GALNTL6: variants seen among roughly 807,000 people sequenced by gnomAD.
The protein encoded by GALNTL6 is polypeptide N-acetylgalactosaminyltransferase-like 6.
In GALNTL6, 46 loss-of-function variants were observed where a neutral mutation model predicts 73.7. That is an observed-to-expected ratio of 0.62 (90% CI 0.49 to 0.80). GALNTL6 has a LOEUF of 0.80. Ranked by LOEUF, GALNTL6 falls within the 30% of genes least tolerant of loss-of-function variation. GALNTL6 has a pLI of 0.00. For missense variants in GALNTL6, 604 were observed against 755.0 expected, an observed-to-expected ratio of 0.80 and a Z score of 2.34; for synonymous variants, 259 against 263.7, an observed-to-expected ratio of 0.98 and a Z score of 0.17.
chr4:172,296,984 G>A (rs1739703542), intron 3 of GALNTL6, among the ~76,000 whole-genome samples: 1 of 152,130 alleles, frequency 6.6e-6, no homozygotes, highest in African/African-American at 2.4e-5. Context: ...CACCAACAGC[G>A]TAAAAGTGTT....
chr4:172,874,775 A>G (rs1451329167), intron 7 of GALNTL6, among the ~76,000 whole-genome samples: 2 of 152,248 alleles, frequency 1.3e-5, no homozygotes, highest in African/African-American at 4.8e-5. Context: ...GAGAGACTGC[A>G]TGGTGGCCCC....
intron 5 of GALNTL6, among the ~76,000 whole-genome samples, chr4:172,677,695 G>A (rs1732382451): frequency 6.6e-6 from 1 of 152,008 alleles, no homozygotes; most frequent in South Asian, 2.1e-4. Context: ...GGCCGAGGCA[G>A]GAGCATCCTT....
At chr4:172,490,154 TG>T (rs1733845791) in intron 5 of GALNTL6, among the ~76,000 whole-genome samples, 1 of 152,158 alleles carries the variant, frequency 6.6e-6, no homozygotes, top group South Asian at 2.1e-4. Context: ...GGTTTCCCAC[TG>T]AGAGAGACTG....
intron 5 of GALNTL6, among the ~76,000 whole-genome samples, chr4:172,398,517 A>G (rs1311567170): frequency 1.3e-5 from 2 of 152,190 alleles, no homozygotes; most frequent in Non-Finnish European, 2.9e-5. Flanking sequence ...CCTTTTCAAA[A>G]TAAGACTAGC....
At chr4:172,813,440 C>A in intron 6 of GALNTL6, 100 bp from the exon 7 acceptor site, 1 of 897,528 alleles carries the variant, frequency 1.1e-6, no homozygotes, top group Non-Finnish European at 1.7e-6. Context: ...CGGCTGCAAG[C>A]ATTATGCATT....
intron 2 of GALNTL6, among the ~76,000 whole-genome samples, chr4:171,826,983 A>G (rs1734842254): frequency 6.6e-6 from 1 of 152,156 alleles, no homozygotes; most frequent in South Asian, 2.1e-4. Flanking sequence ...GGGAGTGTCA[A>G]CCTTAAATAA....
chr4:172,566,546 C>T (rs560602515), intron 5 of GALNTL6, among the ~76,000 whole-genome samples: 1 of 151,720 alleles, frequency 6.6e-6, no homozygotes, highest in South Asian at 2.1e-4. Flanking sequence ...AAAAGCAATA[C>T]TGAGGGAAGT....
At chr4:172,099,817 G>C (rs569050555) in intron 2 of GALNTL6, among the ~76,000 whole-genome samples, 2 of 152,170 alleles carry the variant, frequency 1.3e-5, no homozygotes, top group African/African-American at 4.8e-5. Flanking sequence ...AGAAGTTTCA[G>C]GTTTGGTCTT....
intron 2 of GALNTL6, among the ~76,000 whole-genome samples, chr4:172,164,236 G>A (rs971634386): frequency 1.3e-5 from 2 of 152,002 alleles, no homozygotes; most frequent in African/African-American, 4.8e-5. Context: ...ACCACCTGGA[G>A]CTATGAGATA....
intron 5 of GALNTL6, among the ~76,000 whole-genome samples, chr4:172,546,922 G>A (rs940862496): frequency 5.3e-5 from 8 of 150,454 alleles, no homozygotes; most frequent in Non-Finnish European, 1.2e-4. Context: ...TTGTTGTGCA[G>A]TCATCACCCA....
At chr4:172,793,907 G>A (rs1429059106) in intron 5 of GALNTL6, among the ~76,000 whole-genome samples, 5 of 152,100 alleles carry the variant, frequency 3.3e-5, no homozygotes, top group African/African-American at 1.2e-4. Flanking sequence ...TGACAGAAGT[G>A]ATATATATAC....
At chr4:172,265,174 C>T (rs1176701249) in intron 3 of GALNTL6, among the ~76,000 whole-genome samples, 1 of 151,966 alleles carries the variant, frequency 6.6e-6, no homozygotes, top group African/African-American at 2.4e-5. Flanking sequence ...GGATGGTAAT[C>T]TAAGCTGGAT....
intron 2 of GALNTL6, among the ~76,000 whole-genome samples, chr4:172,014,932 C>T (rs1024010419): frequency 4.6e-5 from 7 of 151,974 alleles, no homozygotes; most frequent in Non-Finnish European, 1.0e-4. Context: ...ATAATTTTGA[C>T]TTTTGCAGAA....
intron 5 of GALNTL6, among the ~76,000 whole-genome samples, chr4:172,650,402 G>T (rs1039047415): frequency 4.6e-5 from 7 of 152,072 alleles, no homozygotes; most frequent in African/African-American, 1.7e-4. Flanking sequence ...CAGAAGAGAA[G>T]AGATATCTAA....
chr4:172,090,822 T>G, intron 2 of GALNTL6, among the ~76,000 whole-genome samples: 1 of 152,184 alleles, frequency 6.6e-6, no homozygotes, highest in Admixed American at 6.5e-5. Context: ...GTTTTTATGG[T>G]TTTAGGCCTC....
At chr4:172,249,317 A>C (rs1050691859) in intron 3 of GALNTL6, among the ~76,000 whole-genome samples, 6 of 152,204 alleles carry the variant, frequency 3.9e-5, no homozygotes, top group Admixed American at 6.5e-5. Context: ...GAGATGATTT[A>C]GGGTATCTGG....
chr4:172,619,111 CT>C (rs546136225), intron 5 of GALNTL6, among the ~76,000 whole-genome samples: 9 of 151,838 alleles, frequency 5.9e-5, no homozygotes, highest in South Asian at 2.1e-4. Flanking sequence ...GGAGAAGAGT[CT>C]TTTTTTTATT....
At chr4:172,341,121 G>C (rs915815442) in intron 4 of GALNTL6, among the ~76,000 whole-genome samples, 19 of 152,274 alleles carry the variant, frequency 1.2e-4, no homozygotes, top group African/African-American at 3.9e-4. Flanking sequence ...GTTTCTGAAA[G>C]CCACTATTGT....
chr4:172,381,917 A>G (rs1300230015), intron 5 of GALNTL6, among the ~76,000 whole-genome samples: 1 of 152,230 alleles, frequency 6.6e-6, no homozygotes, highest in East Asian at 1.9e-4. Context: ...GCTTCATTTT[A>G]AAACCAGAAA....
Sources: allele counts gnomAD v4.1 joint callset (sites outside exome capture counted in the v4.1 genomes callset), GRCh38; gene constraint gnomAD v4.1.1; transcripts MANE v1.5; gene names NCBI Gene and HGNC (gene_info 2026-07-23, HGNC 2026-07-21).